KSR2: variants seen among roughly 807,000 people sequenced by gnomAD.
The protein encoded by KSR2 is kinase suppressor of ras 2.
Under a neutral mutation model 107.8 loss-of-function variants are expected in KSR2, and 25 were observed. The ratio of observed to expected loss-of-function variants is 0.23; its 90% CI spans 0.17 to 0.32. KSR2 has a LOEUF of 0.32. Among genes scored for constraint, KSR2 ranks in the 10% least tolerant of loss-of-function variants. The probability of loss-of-function intolerance (pLI) is 1.00; values close to 1 mark genes in which losing one functional copy is unlikely to be tolerated. For missense variants in KSR2, 887 were observed against 1,268.9 expected, an observed-to-expected ratio of 0.70 and a Z score of 4.57; for synonymous variants, 480 against 507.0, an observed-to-expected ratio of 0.95 and a Z score of 0.71.
At chr12:117,649,982 A>G (rs1346924361) in intron 5 of KSR2, among the ~76,000 whole-genome samples, 2 of 152,152 alleles carry the variant, frequency 1.3e-5, no homozygotes, top group East Asian at 3.8e-4. Flanking sequence ...GTGAACACTG[A>G]TTGTCAGCCT....
chr12:117,579,055 G>A, intron 7 of KSR2, 64 bp downstream of exon 7: 2 of 1,150,578 alleles, frequency 1.7e-6, no homozygotes, highest in Non-Finnish European at 2.6e-6. Flanking sequence ...GCTGTTCAGT[G>A]CCCTGCATGG....
At chr12:117,788,327 T>G (rs749113758) in intron 3 of KSR2, among the ~76,000 whole-genome samples, 1 of 152,226 alleles carries the variant, frequency 6.6e-6, no homozygotes, top group Non-Finnish European at 1.5e-5. Flanking sequence ...ATTGTCCACT[T>G]GCTGGGAGAT....
chr12:117,782,563 C>T (rs554472531), intron 3 of KSR2, among the ~76,000 whole-genome samples: 97 of 152,308 alleles, frequency 6.4e-4, no homozygotes, highest in African/African-American at 2.1e-3. Context: ...CTGTACCCAA[C>T]CAGAAACAAA....
chr12:117,592,474 T>C (rs1371110603), intron 5 of KSR2, among the ~76,000 whole-genome samples: 1 of 152,088 alleles, frequency 6.6e-6, no homozygotes, highest in East Asian at 1.9e-4. Context: ...CAGGTAACCA[T>C]CAAGCTAGGA....
intron 1 of KSR2, among the ~76,000 whole-genome samples, chr12:117,873,882 A>G (rs1893743481): frequency 6.6e-6 from 1 of 152,244 alleles, no homozygotes; most frequent in Non-Finnish European, 1.5e-5. Flanking sequence ...ACCTTTGGAT[A>G]AGCACAGAAA....
rs1053409807 is a variant in KSR2, at chr12:117,907,456, T to C, written c.181-47025A>G. ...TCTCAGGTGAGATCTGGTTTCTAGG[T>C]GAAGGCACAACAGCTGCACCCCTCT... On this transcript the variant is annotated intron_variant, in intron 1 of 19. Coordinates refer to ENST00000339824, the MANE Select transcript of KSR2 (RefSeq NM_173598.6). This position sits in a 1 kb window ranked among gnomAD's most constrained non-coding sequence, Gnocchi z 4.3. Among the ~76,000 whole-genome samples the C allele has an allele frequency of 3.9e-5, 6 of 152,124 alleles. No individual in the cohort carries two copies. Among genetic ancestry groups the C allele is most frequent in the Non-Finnish European group, 8.8e-5 (6 of 68,022 alleles).
chr12:117,776,231 G>C (rs1797459158), intron 3 of KSR2, among the ~76,000 whole-genome samples: 1 of 152,004 alleles, frequency 6.6e-6, no homozygotes, highest in South Asian at 2.1e-4. Flanking sequence ...TAATTGTCAA[G>C]TGCAATTAAA....
In KSR2 at chr12:117,859,668, G is replaced by T. The variant is rs1893223390; in HGVS notation, c.321+623C>A. Reference sequence around the variant, plus strand: ...GATGGAGTTTCGCCATGTTGCCCAGGCTGGTCCCAAACTCCTGTGCTCAAG... The same window carrying T: ...GATGGAGTTTCGCCATGTTGCCCAGTCTGGTCCCAAACTCCTGTGCTCAAG... On this transcript the variant is annotated intron_variant, in intron 2 of 19. Transcript: ENST00000339824. Among the ~76,000 whole-genome samples the T allele has an allele frequency of 2.0e-5, 3 of 151,628 alleles. No homozygotes were observed. In the South Asian group the frequency reaches 6.3e-4, roughly 32 times the overall value.
chr12:117,642,030 T>C (rs908678643), intron 5 of KSR2, among the ~76,000 whole-genome samples: 1 of 152,174 alleles, frequency 6.6e-6, no homozygotes, highest in Admixed American at 6.5e-5. Flanking sequence ...TCCCCGTTCA[T>C]CATCTGGCTG....
chr12:117,765,162 C>T (rs1375052357), intron 3 of KSR2, among the ~76,000 whole-genome samples: 1 of 152,226 alleles, frequency 6.6e-6, no homozygotes, highest in African/African-American at 2.4e-5. Flanking sequence ...TTCTCCATCG[C>T]ATGGTAAGCT....
intron 7 of KSR2, among the ~76,000 whole-genome samples, chr12:117,569,404 T>C (rs762505240): frequency 9.2e-5 from 14 of 152,174 alleles, no homozygotes; most frequent in Non-Finnish European, 1.3e-4. Flanking sequence ...GGTACAAGCA[T>C]GTCTGGCCAG....
intron 3 of KSR2, among the ~76,000 whole-genome samples, chr12:117,762,035 A>G (rs760088412): frequency 1.3e-5 from 2 of 152,224 alleles, no homozygotes; most frequent in Non-Finnish European, 2.9e-5. Flanking sequence ...CAAAAAGACA[A>G]TAAAATCCCC....
intron 1 of KSR2, among the ~76,000 whole-genome samples, chr12:117,894,331 A>C (rs1470529263): frequency 6.6e-6 from 1 of 152,216 alleles, no homozygotes; most frequent in Non-Finnish European, 1.5e-5. Flanking sequence ...TTTGTTTATC[A>C]TGAACTTTTG....
At chr12:117,511,012 T>C (rs1351924947) in intron 14 of KSR2, among the ~76,000 whole-genome samples, 2 of 152,324 alleles carry the variant, frequency 1.3e-5, no homozygotes, top group East Asian at 3.9e-4. Flanking sequence ...TTATCCCACC[T>C]GGTAGGGACT....
At position 117,695,989 on chromosome 12, in the gene KSR2, C is replaced by T. The variant is rs570569009; in HGVS notation, c.987-28331G>A. Among the ~76,000 whole-genome samples the T allele has an allele frequency of 3.3e-5, 5 of 152,278 alleles. No homozygotes were observed. The South Asian group carries it at 1.0e-3, about 32-fold the overall frequency. On this transcript the variant is annotated intron_variant, in intron 4 of 19. Transcript: ENST00000339824. The stretch of plus-strand genomic sequence containing the variant: ...CAGCCAGCACAGTGAGAGAAGCCAT[C>T]GGCGGGCTGGGCTGAGGCTGGTTCC...
chr12:117,707,294 G>A (rs1317535819), intron 4 of KSR2, among the ~76,000 whole-genome samples: 3 of 152,076 alleles, frequency 2.0e-5, no homozygotes, highest in Non-Finnish European at 2.9e-5. Flanking sequence ...GTTTCTTTTC[G>A]GGGTGATAAA....
intron 7 of KSR2, among the ~76,000 whole-genome samples, chr12:117,570,876 T>C (rs1402328364): frequency 2.0e-5 from 3 of 152,224 alleles, no homozygotes; most frequent in Non-Finnish European, 4.4e-5. Flanking sequence ...TCCTTGCTGT[T>C]GTTTCACTGT....
chr12:117,793,143 CAT>C (rs929184999), intron 3 of KSR2, among the ~76,000 whole-genome samples: 2 of 137,224 alleles, frequency 1.5e-5, no homozygotes, highest in Non-Finnish European at 1.5e-5. Context: ...CACTAACATG[CAT>C]ATACCAATAT....
At chr12:117,581,691 C>T (rs1879672646) in intron 6 of KSR2, among the ~76,000 whole-genome samples, 1 of 152,266 alleles carries the variant, frequency 6.6e-6, no homozygotes, top group Admixed American at 6.5e-5. Context: ...CTGGTATATG[C>T]AAACCCCCCT....
Sources: allele counts gnomAD v4.1 joint callset (sites outside exome capture counted in the v4.1 genomes callset), GRCh38; gene constraint gnomAD v4.1.1; non-coding constraint Gnocchi (gnomAD v3.1); transcripts MANE v1.5; gene names NCBI Gene and HGNC (gene_info 2026-07-23, HGNC 2026-07-21).